Variants in FNIP1 observed in about 807,000 individuals in gnomAD.
FNIP1 encodes folliculin-interacting protein 1.
In FNIP1, 40 loss-of-function variants were observed where a neutral mutation model predicts 124.5. That is an observed-to-expected ratio of 0.32 (90% CI 0.25 to 0.42). FNIP1 has a LOEUF of 0.42. Ranked by LOEUF, FNIP1 falls within the 10% of genes least tolerant of loss-of-function variation. FNIP1 has a pLI of 1.00. For synonymous variants in FNIP1, 472 were observed against 470.6 expected (o/e 1.00, Z -0.04); for missense variants, 1,176 against 1,403.7 (o/e 0.84, Z 2.59).
intron 15 of FNIP1, among the ~76,000 whole-genome samples, chr5:131,660,643 T>C (rs925624996): frequency 6.6e-6 from 1 of 152,186 alleles, no homozygotes; most frequent in Non-Finnish European, 1.5e-5. Context: ...ATGAACTCCA[T>C]CTCCCATGTG....
At chr5:131,725,260 G>T (rs1769821009) in intron 3 of FNIP1, among the ~76,000 whole-genome samples, 1 of 152,060 alleles carries the variant, frequency 6.6e-6, no homozygotes, top group Non-Finnish European at 1.5e-5. Flanking sequence ...AGATTGATGG[G>T]GATAGCATTG....
At chr5:131,714,248 G>A (rs1006733153) in intron 6 of FNIP1, among the ~76,000 whole-genome samples, 8 of 152,030 alleles carry the variant, frequency 5.3e-5, no homozygotes, top group African/African-American at 1.7e-4. Context: ...ACTGTATAGC[G>A]GGCTGAGACA....
chr5:131,658,498 G>A (rs1580731685), intron 15 of FNIP1, among the ~76,000 whole-genome samples: 1 of 151,912 alleles, frequency 6.6e-6, no homozygotes, highest in African/African-American at 2.4e-5. Flanking sequence ...GTAAGCCCTG[G>A]CTGCCTCTAC....
intron 10 of FNIP1, 45 bp from the exon 11 acceptor site, chr5:131,699,047 A>G (rs1464317934): frequency 3.3e-6 from 5 of 1,515,022 alleles, no homozygotes; most frequent in Non-Finnish European, 2.7e-6. Flanking sequence ...GTTAATCATG[A>G]GCAAAACATG....
intron 1 of FNIP1, among the ~76,000 whole-genome samples, chr5:131,778,915 A>T (rs1771903099): frequency 8.2e-6 from 1 of 122,120 alleles, no homozygotes. Context: ...CAAACACCGC[A>T]TATTCTCACT....
chr5:131,680,799 G>A (rs1299186661), intron 11 of FNIP1, among the ~76,000 whole-genome samples: 2 of 152,062 alleles, frequency 1.3e-5, no homozygotes, highest in Non-Finnish European at 2.9e-5. Flanking sequence ...AATTGCCAAG[G>A]AACTATTACT....
chr5:131,731,300 G>A lies in FNIP1; in HGVS notation c.220-262C>T, dbSNP rs143633811. On this transcript the variant is annotated intron_variant, in intron 2 of 17. Coordinates refer to ENST00000510461, the MANE Select transcript of FNIP1 (RefSeq NM_133372.3). The stretch of plus-strand genomic sequence containing the variant: ...TTTTCTAGATTACCACGGCCTATAC[G>A]ATGTTCATTAATACCGATGTAATAA... Among the ~76,000 whole-genome samples, 650 of 152,146 alleles carry A rather than the reference G, an allele frequency of 4.3e-3. 2 individuals carry two copies. The highest frequency in any genetic ancestry group is 6.0e-3 in the South Asian group (29 of 4,828).
intron 1 of FNIP1, among the ~76,000 whole-genome samples, chr5:131,753,257 T>A (rs1770941681): frequency 6.6e-6 from 1 of 152,212 alleles, no homozygotes; most frequent in Non-Finnish European, 1.5e-5. Flanking sequence ...CAGCTATGAT[T>A]CAGCAATTCC....
chr5:131,697,133 TA>T (rs2149528799), intron 11 of FNIP1, among the ~76,000 whole-genome samples: 1 of 152,208 alleles, frequency 6.6e-6, no homozygotes, highest in Admixed American at 6.5e-5. Context: ...ATGGCCCATT[TA>T]AACAAACAAC....
At position 131,651,802 on chromosome 5, in the gene FNIP1, A is replaced by G; in HGVS notation, c.3306T>C (p.Phe1102=). The G allele has an allele frequency of 6.2e-7, 1 of 1,613,852 alleles. No individual in the cohort carries two copies. ...QLYKHNLSPN[F]CVMHLEDRLQ... is the part of the protein sequence containing the mutation. ...TGCAAGCAGTGTTACACATACTTAC[A>G]AAATTTGGAGACAAGTTATGCTTAT... is the stretch of plus-strand genomic sequence containing the variant. The change falls in exon 16 of 18, where the codon TTT becomes TTC. Residue 1102 remains phenylalanine (F), a splice_region_variant and synonymous_variant. Transcript: ENST00000510461.
intron 7 of FNIP1, among the ~76,000 whole-genome samples, chr5:131,710,269 G>A (rs1769243196): frequency 6.6e-6 from 1 of 151,978 alleles, no homozygotes; most frequent in South Asian, 2.1e-4. Flanking sequence ...AATTCCAAGT[G>A]GTATCATAAG....
chr5:131,796,656 C>T (rs1772613251), intron 1 of FNIP1, 174 bp downstream of exon 1: 1 of 607,626 alleles, frequency 1.6e-6, no homozygotes, highest in South Asian at 2.1e-5. Flanking sequence ...AAAGGTAGGA[C>T]CTCGCTCCAA....
intron 13 of FNIP1, among the ~76,000 whole-genome samples, chr5:131,675,033 A>G (rs536729626): frequency 1.7e-4 from 26 of 152,272 alleles, no homozygotes; most frequent in Admixed American, 1.3e-3. Context: ...CATGATTCCC[A>G]CTTTACTTTT....
chr5:131,735,837 T>A (rs1173381127), intron 2 of FNIP1, among the ~76,000 whole-genome samples: 4 of 151,632 alleles, frequency 2.6e-5, no homozygotes, highest in Non-Finnish European at 5.9e-5. Context: ...GTGTATTTTA[T>A]ATACACACAT....
chr5:131,663,389 A>G (rs31585), intron 15 of FNIP1, among the ~76,000 whole-genome samples: 118,736 of 152,078 alleles, frequency 0.78, 46,569 homozygotes, highest in Middle Eastern at 0.83. Flanking sequence ...TATATGTGTC[A>G]TGTGTGTGAT....
chr5:131,687,086 A>G (rs1580754776), intron 11 of FNIP1, among the ~76,000 whole-genome samples: 1 of 146,196 alleles, frequency 6.8e-6, no homozygotes, highest in Non-Finnish European at 1.5e-5. Context: ...AGATCAATTT[A>G]GGTTGTGGTT....
intron 1 of FNIP1, among the ~76,000 whole-genome samples, chr5:131,787,986 G>GA (rs1253072388): frequency 3.9e-5 from 6 of 152,064 alleles, no homozygotes; most frequent in Non-Finnish European, 7.4e-5. Context: ...TCTTCCTGCT[G>GA]AAAAAAGTAG....
intron 3 of FNIP1, among the ~76,000 whole-genome samples, chr5:131,720,067 C>T (rs533262126): frequency 3.9e-5 from 6 of 152,286 alleles, no homozygotes; most frequent in African/African-American, 1.4e-4. Flanking sequence ...AAGAACAAAG[C>T]TGGTGGGCAT....
intron 1 of FNIP1, among the ~76,000 whole-genome samples, chr5:131,784,826 AAAT>A (rs1284478841): frequency 3.3e-5 from 5 of 151,278 alleles, no homozygotes; most frequent in Admixed American, 6.6e-5. Flanking sequence ...TCTCTCAAAA[AAAT>A]AATAATAAAA....
Sources: allele counts gnomAD v4.1 joint callset (sites outside exome capture counted in the v4.1 genomes callset), GRCh38; gene constraint gnomAD v4.1.1; transcripts MANE v1.5; gene names NCBI Gene and HGNC (gene_info 2026-07-23, HGNC 2026-07-21).